Variants in SKAP1 observed in about 807,000 individuals in gnomAD.
SKAP1 encodes src kinase associated phosphoprotein 1.
Under a neutral mutation model 58.5 loss-of-function variants are expected in SKAP1, and 44 were observed. The observed-to-expected ratio is 0.75, with a 90% CI of 0.59 to 0.97. The LOEUF is 0.97. SKAP1 is among the 50% of genes least tolerant of loss of function. The pLI, the probability that SKAP1 is intolerant of heterozygous loss-of-function variation, is 0.00. For synonymous variants in SKAP1, 127 were observed against 149.7 expected, an observed-to-expected ratio of 0.85 and a Z score of 1.11; for missense variants, 390 against 435.2, an observed-to-expected ratio of 0.90 and a Z score of 0.92.
At chr17:48,405,167 C>T (rs1410918880) in intron 1 of SKAP1, among the ~76,000 whole-genome samples, 1 of 151,884 alleles carries the variant, frequency 6.6e-6, no homozygotes, top group African/African-American at 2.4e-5. Context: ...TGGAGTGTGT[C>T]CAACAGAAAC....
At chr17:48,190,602 T>C (rs2143533824) in intron 4 of SKAP1, among the ~76,000 whole-genome samples, 1 of 152,282 alleles carries the variant, frequency 6.6e-6, no homozygotes, top group Middle Eastern at 3.4e-3. Flanking sequence ...CAGATAGCCA[T>C]CTCTGTGAAC....
At chr17:48,386,763 T>C (rs1278755174) in intron 2 of SKAP1, among the ~76,000 whole-genome samples, 1 of 152,134 alleles carries the variant, frequency 6.6e-6, no homozygotes, top group Non-Finnish European at 1.5e-5. Flanking sequence ...GAAAACCTCA[T>C]GAGGGGCTTT....
intron 12 of SKAP1, among the ~76,000 whole-genome samples, chr17:48,134,632 A>G (rs577137370): frequency 6.6e-6 from 1 of 152,148 alleles, no homozygotes; most frequent in African/African-American, 2.4e-5. Flanking sequence ...ATTCTTAGAA[A>G]TAGATTTGTT....
chr17:48,268,529 T>C (rs2065585163), intron 4 of SKAP1, among the ~76,000 whole-genome samples: 1 of 152,070 alleles, frequency 6.6e-6, no homozygotes, highest in Non-Finnish European at 1.5e-5. Context: ...TCTCACTCTG[T>C]TGCACAGGCT....
intron 4 of SKAP1, among the ~76,000 whole-genome samples, chr17:48,209,251 G>A (rs1373634556): frequency 1.3e-5 from 2 of 152,092 alleles, no homozygotes; most frequent in Non-Finnish European, 2.9e-5. Context: ...CCTTATTATA[G>A]AAACATTATT....
At position 48,429,989 on chromosome 17, in the gene SKAP1, C is replaced by T. The variant is rs903867681; in HGVS notation, c.46+86G>A. On this transcript the variant is annotated intron_variant, in intron 1 of 12. Coordinates refer to ENST00000336915, the MANE Select transcript of SKAP1 (RefSeq NM_003726.4). Reference sequence around the variant, plus strand: ...TCTAGAAGGAGGTGAGTGACGAAGCCGTAAAGAAAGCCTGGCCGTGGGAGG... The same window carrying T: ...TCTAGAAGGAGGTGAGTGACGAAGCTGTAAAGAAAGCCTGGCCGTGGGAGG... The T allele has an allele frequency of 5.3e-6, 6 of 1,124,108 alleles. No homozygotes were observed. In the African/African-American group the frequency reaches 8.1e-5, roughly 15 times the overall value. 69.6% of individuals were successfully genotyped at this position (1,124,108 alleles called of 1,614,324 possible).
At chr17:48,298,494 A>C (rs2066011166) in intron 4 of SKAP1, among the ~76,000 whole-genome samples, 1 of 152,256 alleles carries the variant, frequency 6.6e-6, no homozygotes. Context: ...AAATAAGAAT[A>C]GTTAAAAGAC....
At chr17:48,360,517 T>C (rs1450073259) in intron 3 of SKAP1, among the ~76,000 whole-genome samples, 1 of 152,198 alleles carries the variant, frequency 6.6e-6, no homozygotes, top group South Asian at 2.1e-4. Flanking sequence ...CCGCTGGCTT[T>C]TCTTTGTAAC....
At chr17:48,443,494 G>GTT in the SKAP1 span, among the ~76,000 whole-genome samples, 1 of 149,940 alleles carries the variant, frequency 6.7e-6, no homozygotes, top group African/African-American at 2.5e-5. Context: ...TTGTTTGTTT[G>GTT]AGACAGAGTC....
intron 4 of SKAP1, among the ~76,000 whole-genome samples, chr17:48,310,333 C>G (rs1015809014): frequency 3.3e-5 from 5 of 152,170 alleles, no homozygotes; most frequent in Admixed American, 3.3e-4. Context: ...CTGTTAGACC[C>G]TGAAGTCAGA....
At chr17:48,281,088 T>C (rs12453208) in intron 4 of SKAP1, among the ~76,000 whole-genome samples, 50,020 of 151,840 alleles carry the variant, frequency 0.33, 8,956 homozygotes, top group African/African-American at 0.47. Context: ...TGCAGTGGCG[T>C]GATCTTGGCT....
chr17:48,436,165 G>A, the SKAP1 span, among the ~76,000 whole-genome samples: 1 of 151,784 alleles, frequency 6.6e-6, no homozygotes, highest in Non-Finnish European at 1.5e-5. Flanking sequence ...TCCACCTCCT[G>A]GGTTCAAGTG....
At chr17:48,380,265 C>T (rs1283602014) in intron 2 of SKAP1, 1 of 152,094 alleles carries the variant, frequency 6.6e-6, no homozygotes, top group Non-Finnish European at 1.5e-5. Flanking sequence ...GAGATGTTGC[C>T]AGTTCACAAG....
intron 12 of SKAP1, among the ~76,000 whole-genome samples, chr17:48,136,050 C>A (rs2063692960): frequency 1.3e-5 from 2 of 152,180 alleles, no homozygotes; most frequent in Non-Finnish European, 2.9e-5. Context: ...GGACACAGGG[C>A]TATAAGCTTT....
At chr17:48,429,792 T>TG (rs950960657) in intron 1 of SKAP1, among the ~76,000 whole-genome samples, 1 of 151,982 alleles carries the variant, frequency 6.6e-6, no homozygotes, top group African/African-American at 2.4e-5. Context: ...CAAGGTGGCA[T>TG]GGGGGACCAA....
At chr17:48,371,982 TA>T (rs1420068459) in intron 2 of SKAP1, among the ~76,000 whole-genome samples, 2 of 152,168 alleles carry the variant, frequency 1.3e-5, no homozygotes, top group Non-Finnish European at 2.9e-5. Flanking sequence ...ACATCATATA[TA>T]TTTTTTTGAG....
chr17:48,396,519 C>A (rs2067419569), intron 2 of SKAP1, among the ~76,000 whole-genome samples, 161 bp downstream of exon 2: 1 of 152,192 alleles, frequency 6.6e-6, no homozygotes, highest in Non-Finnish European at 1.5e-5. Context: ...ACTACACTAA[C>A]TATGCTTGCC....
chr17:48,348,165 C>G (rs1468614582), intron 3 of SKAP1, among the ~76,000 whole-genome samples: 1 of 151,802 alleles, frequency 6.6e-6, no homozygotes, highest in Admixed American at 6.6e-5. Context: ...CATGACAATA[C>G]CCCATCTCTA....
intron 4 of SKAP1, among the ~76,000 whole-genome samples, chr17:48,297,823 G>A (rs1049382172): frequency 1.2e-4 from 19 of 152,272 alleles, no homozygotes; most frequent in African/African-American, 3.6e-4. Flanking sequence ...AACCATTGAA[G>A]GTATAAAAAC....
Sources: gnomAD v4.1 joint callset for allele counts (sites outside exome capture counted in the v4.1 genomes callset) on GRCh38, gnomAD v4.1.1 for gene constraint, MANE v1.5 for transcripts, NCBI Gene and HGNC (gene_info 2026-07-23, HGNC 2026-07-21) for gene names.